CNTN5: variants seen among roughly 807,000 people sequenced by gnomAD.
CNTN5 encodes the protein contactin 5, also known as contactin-5.
Under a neutral mutation model 129.1 loss-of-function variants are expected in CNTN5, and 77 were observed. The observed-to-expected ratio is 0.60, with a 90% CI of 0.50 to 0.72. The LOEUF is 0.72. Among genes scored for constraint, CNTN5 ranks in the 30% least tolerant of loss-of-function variants. The probability of loss-of-function intolerance (pLI) is 0.00; values close to 1 mark genes in which losing one functional copy is unlikely to be tolerated. For synonymous variants in CNTN5, 509 were observed against 465.6 expected (o/e 1.09, Z -1.20); for missense variants, 1,478 against 1,328.8 (o/e 1.11, Z -1.75).
chr11:99,160,074 A>T (rs1435384783), intron 1 of CNTN5, among the ~76,000 whole-genome samples: 1 of 152,210 alleles, frequency 6.6e-6, no homozygotes, highest in East Asian at 1.9e-4. Context: ...TACACAATTA[A>T]ATATAATATT....
intron 20 of CNTN5, among the ~76,000 whole-genome samples, chr11:100,306,112 G>T (rs571946581): frequency 6.6e-6 from 1 of 151,566 alleles, no homozygotes; most frequent in Admixed American, 6.6e-5. Flanking sequence ...TTGTTTGATT[G>T]ATTCACTGTC....
intron 13 of CNTN5, among the ~76,000 whole-genome samples, chr11:100,087,516 C>T (rs1280248405): frequency 6.6e-6 from 1 of 151,690 alleles, no homozygotes; most frequent in Non-Finnish European, 1.5e-5. Flanking sequence ...AAACACAAGC[C>T]AATCACCCTC....
intron 1 of CNTN5, among the ~76,000 whole-genome samples, chr11:99,039,961 T>C (rs1863923411): frequency 6.6e-6 from 1 of 152,196 alleles, no homozygotes; most frequent in African/African-American, 2.4e-5. Flanking sequence ...ATTTGTTCAG[T>C]AATTTTAGGC....
intron 13 of CNTN5, among the ~76,000 whole-genome samples, chr11:100,174,379 A>AAAAT (rs1365568287): frequency 6.6e-6 from 1 of 152,162 alleles, no homozygotes; most frequent in Non-Finnish European, 1.5e-5. Flanking sequence ...TCGCACCTAT[A>AAAAT]AAATAAACAA....
intron 6 of CNTN5, among the ~76,000 whole-genome samples, chr11:99,894,326 G>A (rs1949141366): frequency 6.6e-6 from 1 of 151,688 alleles, no homozygotes; most frequent in Non-Finnish European, 1.5e-5. Context: ...AAATGTAAAG[G>A]CTTATAAAGA....
chr11:99,442,343 T>C (rs1409473362), intron 2 of CNTN5, among the ~76,000 whole-genome samples: 1 of 152,116 alleles, frequency 6.6e-6, no homozygotes, highest in East Asian at 1.9e-4. Flanking sequence ...CTAATTTTTG[T>C]ATTTTTAGTA....
chr11:99,432,025 A>C (rs1232722996), intron 2 of CNTN5, among the ~76,000 whole-genome samples: 1 of 152,182 alleles, frequency 6.6e-6, no homozygotes, highest in East Asian at 1.9e-4. Context: ...CTCTCCAGTA[A>C]GTCCGCACTT....
At chr11:99,230,547 A>G (rs1280250644) in intron 1 of CNTN5, among the ~76,000 whole-genome samples, 1 of 152,202 alleles carries the variant, frequency 6.6e-6, no homozygotes. Context: ...CTCAGTGACC[A>G]TACATAAAAG....
intron 6 of CNTN5, among the ~76,000 whole-genome samples, chr11:99,907,571 A>C (rs949257224): frequency 1.8e-4 from 28 of 151,908 alleles, no homozygotes; most frequent in Non-Finnish European, 3.2e-4. Context: ...TATATTATTA[A>C]AAATATTTTT....
rs140275461 is a variant in CNTN5 at position 99,251,234 on chromosome 11, C to A, written c.-209-74112C>A. On this transcript the variant is annotated intron_variant, in intron 1 of 24. Transcript: ENST00000524871. ...TTTGCTGTCTCATCTTCCTCCCCATCTGAATGATATAAATGTTTATAAATA... is the reference window on the plus strand; with the variant it reads ...TTTGCTGTCTCATCTTCCTCCCCATATGAATGATATAAATGTTTATAAATA... Among the ~76,000 whole-genome samples the A allele has an allele frequency of 8.6e-3, 1,301 of 151,988 alleles. 11 individuals carry two copies. Among genetic ancestry groups the A allele is most frequent in the Non-Finnish European group, 0.012 (825 of 67,870 alleles).
chr11:99,572,648 C>G (rs569112778), intron 3 of CNTN5, among the ~76,000 whole-genome samples: 3 of 152,220 alleles, frequency 2.0e-5, no homozygotes, highest in Admixed American at 2.0e-4. Context: ...CTTGCTCAGA[C>G]TGATGATATA....
At chr11:99,478,515 G>A (rs1212732562) in intron 2 of CNTN5, among the ~76,000 whole-genome samples, 6 of 152,092 alleles carry the variant, frequency 3.9e-5, no homozygotes, top group Admixed American at 3.3e-4. Context: ...CACACTCAAA[G>A]GATGGAGATT....
intron 2 of CNTN5, among the ~76,000 whole-genome samples, chr11:99,488,751 A>G (rs1467704466): frequency 2.0e-5 from 3 of 152,180 alleles, no homozygotes; most frequent in African/African-American, 7.2e-5. Context: ...TCATTTTACC[A>G]AAACTCCACA....
chr11:99,513,472 T>A (rs951725746), intron 2 of CNTN5, among the ~76,000 whole-genome samples: 1 of 152,118 alleles, frequency 6.6e-6, no homozygotes, highest in Non-Finnish European at 1.5e-5. Context: ...AGGACTTTCA[T>A]AGCTAGAGAG....
chr11:100,061,523 C>T (rs893882228), intron 10 of CNTN5, 130 bp downstream of exon 10: 4 of 639,788 alleles, frequency 6.3e-6, no homozygotes, highest in African/African-American at 3.6e-5. Context: ...ATACTTCATT[C>T]GTATGGTAAG....
intron 6 of CNTN5, among the ~76,000 whole-genome samples, chr11:99,893,622 G>C (rs75014634): frequency 0.053 from 8,027 of 152,154 alleles, 291 homozygotes; most frequent in Middle Eastern, 0.11. Flanking sequence ...AGGATGTAGT[G>C]AGTTGTGGGC....
intron 1 of CNTN5, among the ~76,000 whole-genome samples, chr11:99,212,764 C>G (rs1333137761): frequency 6.6e-6 from 1 of 151,952 alleles, no homozygotes; most frequent in South Asian, 2.1e-4. Context: ...TTTTAAATAT[C>G]CATGAGCAGA....
At chr11:99,581,904 C>T (rs1949613336) in intron 3 of CNTN5, among the ~76,000 whole-genome samples, 1 of 152,142 alleles carries the variant, frequency 6.6e-6, no homozygotes, top group Non-Finnish European at 1.5e-5. Context: ...TTAGTTGATG[C>T]AGTTGCTTCC....
At chr11:100,284,534 A>G (rs1356469849) in intron 18 of CNTN5, among the ~76,000 whole-genome samples, 1 of 152,212 alleles carries the variant, frequency 6.6e-6, no homozygotes, top group Non-Finnish European at 1.5e-5. Context: ...AAAAAATCAC[A>G]TTTGGGGAAA....
Sources: gnomAD v4.1 joint callset for allele counts (sites outside exome capture counted in the v4.1 genomes callset) on GRCh38, gnomAD v4.1.1 for gene constraint, MANE v1.5 for transcripts, NCBI Gene and HGNC (gene_info 2026-07-23, HGNC 2026-07-21) for gene names.